Variants in TSNAXIP1 observed in about 807,000 individuals in gnomAD.
TSNAXIP1 encodes translin associated factor X interacting protein 1, also known as translin-associated factor X-interacting protein 1.
Under a neutral mutation model 84.8 loss-of-function variants are expected in TSNAXIP1, and 89 were observed. The ratio of observed to expected loss-of-function variants is 1.05; its 90% CI spans 0.88 to 1.25. TSNAXIP1 has a LOEUF of 1.25. Ranked by LOEUF, TSNAXIP1 falls within the 50% of genes most tolerant of loss-of-function variation. The pLI is 0.00. For synonymous variants in TSNAXIP1, 347 were observed against 335.2 expected, an observed-to-expected ratio of 1.04 and a Z score of -0.39; for missense variants, 874 against 887.6, an observed-to-expected ratio of 0.98 and a Z score of 0.20.
At chr16:67,807,245 A>G (rs2055521886) in intron 1 of TSNAXIP1, 49 bp downstream of exon 1, 2 of 1,535,818 alleles carry the variant, frequency 1.3e-6, no homozygotes, top group Non-Finnish European at 1.7e-6. Context: ...GAGTACTTCT[A>G]GAGAGGGAAA....
At chr16:67,814,233 G>A in intron 1 of TSNAXIP1, 69 bp from the exon 2 acceptor site, 3 of 1,270,678 alleles carry the variant, frequency 2.4e-6, no homozygotes, top group South Asian at 2.5e-5. Flanking sequence ...TGTGGATCTA[G>A]AAAGGATGGG....
chr16:67,807,743 A>T (rs2055597922), intron 1 of TSNAXIP1: 2 of 207,300 alleles, frequency 9.6e-6, no homozygotes, highest in Non-Finnish European at 2.0e-5. Flanking sequence ...TCGACCTCTC[A>T]AACTGGGATT....
At position 67,827,052 on chromosome 16, in the gene TSNAXIP1, AC is replaced by A. The variant is rs776956325; in HGVS notation, c.1645del (p.Leu549Ter). The A allele has an allele frequency of 6.2e-7, 1 of 1,614,080 alleles. No homozygotes were observed. Among genetic ancestry groups the A allele is most frequent in the South Asian group, 1.1e-5 (1 of 91,086 alleles). ...TNADSQNEGL[L>X]TMEQFNTVLK... The stretch of plus-strand genomic sequence containing the variant: ...ATGCTGACAGTCAGAACGAGGGGCT[AC>A]TAACCATGGAGCAGTTCAAGTGAGA... On this transcript the variant is annotated frameshift_variant, in exon 13 of 16. Transcript: ENST00000561639. LOFTEE classifies it high-confidence loss of function.
At position 67,826,773 on chromosome 16, in the gene TSNAXIP1, A is replaced by C. The variant is rs2057488736; in HGVS notation, c.1483A>C (p.Ile495Leu). The C allele has an allele frequency of 6.2e-7, 1 of 1,613,990 alleles. No individual in the cohort carries two copies. ...TGATGCCATGGCCTGGGCTTATACT[A>C]TTTTTGAAAATATCAAGATCTTCCA... The part of the protein sequence containing the change: ...PSDAMAWAYT[I>L]FENIKIFHSN... Residue 495 changes from isoleucine to leucine, a missense_variant, in exon 12 of 16, where the codon ATT becomes CTT. Physicochemically the swap from Ile to Leu is conservative, Grantham distance 5. Transcript: ENST00000561639.
In TSNAXIP1 at chr16:67,823,732, C is replaced by T. The variant is rs760842160; in HGVS notation, c.481+13C>T. ...GAGGGGATGCTGGGTAAGAATGCAC[C>T]TCCTGCCAGGCGTAGTGGCTCACGC... On this transcript the variant is annotated intron_variant, in intron 5 of 15. Coordinates refer to ENST00000561639, the MANE Select transcript of TSNAXIP1 (RefSeq NM_001288990.3). The T allele has an allele frequency of 4.1e-5, 65 of 1,600,284 alleles. No individual in the cohort carries two copies. The highest frequency in any genetic ancestry group is 5.5e-5 in the Non-Finnish European group (64 of 1,170,792).
chr16:67,817,132 A>AT (rs2056629826), intron 2 of TSNAXIP1, among the ~76,000 whole-genome samples: 1 of 144,708 alleles, frequency 6.9e-6, no homozygotes, highest in Non-Finnish European at 1.5e-5. Context: ...CACCTGGCTA[A>AT]TTTTTTGCGG....
Position 67,826,310 on chromosome 16 carries a change from G to A in TSNAXIP1, c.1275+28G>A, listed in dbSNP as rs776751093. ...AGGGGAGGCCCCAGGAGTGGGGCTT[G>A]GGCCAGAGTCAGAACAGCCATGCCC... On this transcript the variant is annotated intron_variant, in intron 10 of 15. Coordinates refer to ENST00000561639, the MANE Select transcript of TSNAXIP1 (RefSeq NM_001288990.3). 5.1e-6 allele frequency: 8 copies of A among 1,579,900 alleles called. No homozygotes were observed. In the Admixed American group the frequency reaches 1.4e-4, roughly 27 times the overall value.
In TSNAXIP1 at chr16:67,806,908, G is replaced by A; in HGVS notation, c.-242G>A. 3 of 623,180 alleles carry A rather than the reference G, an allele frequency of 4.8e-6. No individual in the cohort carries two copies. Among genetic ancestry groups the A allele is most frequent in the Non-Finnish European group, 8.3e-6 (3 of 359,766 alleles). The allele number at this position is 623,180 out of a possible 1,614,324, so 38.6% of individuals were successfully genotyped here. On this transcript the variant is annotated 5_prime_UTR_variant, in exon 1 of 16. Coordinates refer to ENST00000561639, the MANE Select transcript of TSNAXIP1 (RefSeq NM_001288990.3). ...CTGTTCATCCCCCTGCCTCAGTTCT[G>A]GTACCTGGGGTCAAATCGGCTGTAG...
chr16:67,827,691 C>G (rs887763687), intron 15 of TSNAXIP1, 62 bp from the exon 16 acceptor site: 29 of 1,610,964 alleles, frequency 1.8e-5, no homozygotes, highest in Non-Finnish European at 2.5e-5. Flanking sequence ...AGGAGGGCAC[C>G]TGGGAGTCTG....
rs762432893 is a variant in TSNAXIP1, at chr16:67,826,176, G to A, written c.1169G>A (p.Arg390His). The A allele has an allele frequency of 2.2e-5, 36 of 1,612,332 alleles. No individual in the cohort carries two copies. Among genetic ancestry groups the A allele is most frequent in the Admixed American group, 5.0e-5 (3 of 59,950 alleles). The change falls in exon 10 of 16, where the codon CGC (arginine) becomes CAC (histidine). Residue 390 changes from arginine (R) to histidine (H), a missense_variant. Transcript: ENST00000561639. The stretch of plus-strand genomic sequence containing the variant: ...GATGTGGTGGCTGGGGGCCCAGAGC[G>A]CTGGCAGATGCTGGCTGAGGGCAAG... ...CKDVVAGGPE[R>H]WQMLAEGKNS...
rs2055504980 is a variant in TSNAXIP1, at chr16:67,807,117, C to T, written c.-33C>T. On this transcript the variant is annotated 5_prime_UTR_variant, in exon 1 of 16. Transcript: ENST00000561639. Reference sequence around the variant, plus strand: ...TGTACGCTACCACAGCTTCCCAGGCCGCGGGTGCTGATTGCCCGCCTGCCC... The same window carrying T: ...TGTACGCTACCACAGCTTCCCAGGCTGCGGGTGCTGATTGCCCGCCTGCCC... The T allele has an allele frequency of 2.0e-6, 3 of 1,533,262 alleles. No individual in the cohort carries two copies. Among genetic ancestry groups the T allele is most frequent in the Non-Finnish European group, 2.6e-6 (3 of 1,145,962 alleles). 95.0% of individuals were successfully genotyped at this position (1,533,262 alleles called of 1,614,324 possible).
At position 67,825,029 on chromosome 16, in the gene TSNAXIP1, TC is replaced by T. The variant is rs2057335970; in HGVS notation, c.679-107del. 72 of 1,445,434 alleles carry T rather than the reference TC, an allele frequency of 5.0e-5. No homozygotes were observed. The South Asian group carries it at 9.7e-4, about 20-fold the overall frequency. 89.5% of individuals were successfully genotyped at this position (1,445,434 alleles called of 1,614,324 possible). On this transcript the variant is annotated intron_variant, in intron 6 of 15. Transcript: ENST00000561639. ...CTCCTTCTTCTTTCACCTTTCCTGT[TC>T]ACAGTCCCTGATGGGGCCCCCCAGA...
chr16:67,807,224 G>A, intron 1 of TSNAXIP1, 28 bp downstream of exon 1: 1 of 1,536,034 alleles, frequency 6.5e-7, no homozygotes, highest in Non-Finnish European at 8.7e-7. Context: ...TGAGGGCAGA[G>A]ATGAGGGTTT....
chr16:67,823,526 G>A, intron 4 of TSNAXIP1, 100 bp from the exon 5 acceptor site: 2 of 896,794 alleles, frequency 2.2e-6, no homozygotes, highest in South Asian at 1.5e-5. Context: ...CTGGGTGATG[G>A]AGCGACACTC....
chr16:67,824,871 G>A (rs921794623), intron 6 of TSNAXIP1, 92 bp downstream of exon 6: 22 of 1,385,452 alleles, frequency 1.6e-5, no homozygotes, highest in African/African-American at 1.4e-4. Flanking sequence ...GCCTTTCTAC[G>A]GAGAGTGACA....
chr16:67,822,050 A>G (rs1340569398), intron 4 of TSNAXIP1, among the ~76,000 whole-genome samples: 1 of 151,806 alleles, frequency 6.6e-6, no homozygotes, highest in Non-Finnish European at 1.5e-5. Context: ...AGGCCGAGGC[A>G]GGCGGATCAC....
rs536304107 is a variant in TSNAXIP1, at chr16:67,819,404, C to T, written c.148-1435C>T. Among the ~76,000 whole-genome samples, 47 of 149,754 alleles carry T rather than the reference C, an allele frequency of 3.1e-4. No individual in the cohort carries two copies. In the East Asian group the frequency reaches 5.1e-3, roughly 16 times the overall value. ...GAATACAGGCGTGTGCCACCATGCC[C>T]GGCTAATTTTTGTATTTTTAGTAGA... On this transcript the variant is annotated intron_variant, in intron 2 of 15. Transcript: ENST00000561639.
rs1475229047 is a variant in TSNAXIP1 at position 67,826,010 on chromosome 16, T to C, written c.1078T>C (p.Phe360Leu). 1.9e-6 allele frequency: 3 copies of C among 1,613,948 alleles called. No homozygotes were observed. The South Asian group carries it at 3.3e-5, about 18-fold the overall frequency. Residue 360 changes from phenylalanine (F) to leucine (L), a missense_variant, in exon 9 of 16, where the codon TTC becomes CTC. Physicochemically the swap from Phe to Leu is conservative, Grantham distance 22. Transcript: ENST00000561639. ...HMSTLKERDQ[F>L]FSELQEIQRT... ...GAGCACGCTGAAGGAACGGGACCAA[T>C]TCTTCTCTGAGCTGCAGGAGATCCA...
intron 4 of TSNAXIP1, 119 bp downstream of exon 4, chr16:67,821,344 T>C (rs1417143981): frequency 1.6e-6 from 2 of 1,279,172 alleles, no homozygotes; most frequent in African/African-American, 3.0e-5. Context: ...CCAAGGCGGG[T>C]GGACCACCTG....
Sources: allele counts gnomAD v4.1 joint callset (sites outside exome capture counted in the v4.1 genomes callset), GRCh38; gene constraint gnomAD v4.1.1; transcripts MANE v1.5; gene names NCBI Gene and HGNC (gene_info 2026-07-23, HGNC 2026-07-21).